ASTN1: variants seen among roughly 807,000 people sequenced by gnomAD.
The protein encoded by ASTN1 is astrotactin 1.
Under a neutral mutation model 140.7 loss-of-function variants are expected in ASTN1, and 41 were observed. The ratio of observed to expected loss-of-function variants is 0.29; its 90% confidence interval spans 0.23 to 0.38. The LOEUF is 0.38. ASTN1 is among the 10% of genes least tolerant of loss of function. The probability of loss-of-function intolerance (pLI) is 1.00; values close to 1 mark genes in which losing one functional copy is unlikely to be tolerated. For synonymous variants in ASTN1, 640 were observed against 652.2 expected (o/e 0.98, Z 0.29); for missense variants, 1,479 against 1,678.8 (o/e 0.88, Z 2.08).
At chr1:177,018,192 G>T (rs991199240) in intron 7 of ASTN1, among the ~76,000 whole-genome samples, 3 of 152,186 alleles carry the variant, frequency 2.0e-5, no homozygotes, top group Non-Finnish European at 2.9e-5. Context: ...TCTGGGAAGG[G>T]AGTCAGAGGG....
intron 12 of ASTN1, among the ~76,000 whole-genome samples, chr1:176,947,818 C>T (rs1452827110): frequency 6.6e-6 from 1 of 152,156 alleles, no homozygotes; most frequent in Non-Finnish European, 1.5e-5. Context: ...AAGATCAGGT[C>T]GGGTATCCTG....
chr1:177,110,967 A>C (rs1265997789), intron 1 of ASTN1, among the ~76,000 whole-genome samples: 2 of 152,248 alleles, frequency 1.3e-5, no homozygotes, highest in African/African-American at 4.8e-5. Flanking sequence ...GGCTGAGTTT[A>C]ACAGAGGTGA....
At chr1:177,005,954 G>A (rs1372987389) in intron 8 of ASTN1, among the ~76,000 whole-genome samples, 1 of 152,160 alleles carries the variant, frequency 6.6e-6, no homozygotes, top group Non-Finnish European at 1.5e-5. Context: ...TACTCCAAGT[G>A]TTCAGTGACA....
intron 16 of ASTN1, among the ~76,000 whole-genome samples, chr1:176,926,100 C>T (rs921644435): frequency 6.6e-6 from 1 of 152,084 alleles, no homozygotes; most frequent in Non-Finnish European, 1.5e-5. Context: ...AGCCACCGCA[C>T]CCAGCCAAGG....
intron 18 of ASTN1, among the ~76,000 whole-genome samples, chr1:176,886,490 A>G (rs966045516): frequency 1.1e-4 from 16 of 152,332 alleles, no homozygotes; most frequent in Non-Finnish European, 2.2e-4. Context: ...TTTTATTAAT[A>G]ATGAGCTTGA....
chr1:177,024,528 CA>C, intron 6 of ASTN1, 54 bp downstream of exon 6: 1 of 1,595,996 alleles, frequency 6.3e-7, no homozygotes, highest in Non-Finnish European at 8.6e-7. Flanking sequence ...TTTGCCCAAC[CA>C]GAAAACTTTC....
At chr1:177,139,365 G>T (rs1386105110) in intron 1 of ASTN1, among the ~76,000 whole-genome samples, 1 of 152,186 alleles carries the variant, frequency 6.6e-6, no homozygotes, top group Non-Finnish European at 1.5e-5. Context: ...TAAAGAGAGG[G>T]ACTCATTCTG....
chr1:176,951,520 A>G (rs1672190180), intron 11 of ASTN1, among the ~76,000 whole-genome samples: 1 of 152,154 alleles, frequency 6.6e-6, no homozygotes, highest in Admixed American at 6.5e-5. Context: ...CCCACCTCAT[A>G]TGGTTTCAGC....
chr1:177,004,093 A>C (rs181440467), intron 8 of ASTN1, among the ~76,000 whole-genome samples: 2 of 152,336 alleles, frequency 1.3e-5, no homozygotes, highest in South Asian at 2.1e-4. Context: ...AATTTCCTCC[A>C]AGAGTCCTAG....
chr1:177,034,308 A>C (rs1275631345), intron 2 of ASTN1, among the ~76,000 whole-genome samples: 1 of 151,926 alleles, frequency 6.6e-6, no homozygotes, highest in Non-Finnish European at 1.5e-5. Context: ...CAGGCAGCAC[A>C]GAGGAGCAGA....
rs1046288040 is a variant in ASTN1, at chr1:176,864,026, A to G, written c.*258T>C. The G allele has an allele frequency of 1.5e-5, 19 of 1,266,396 alleles. No homozygotes were observed. Among genetic ancestry groups the G allele is most frequent in the Non-Finnish European group, 1.9e-5 (19 of 1,002,866 alleles). The allele number at this position is 1,266,396 out of a possible 1,614,324, so 78.4% of individuals were successfully genotyped here. The stretch of plus-strand genomic sequence containing the variant: ...AATGAATGGAACAAATTAATGGCAA[A>G]GCAAACCCCAAAGTAATCCTCTAAA... On this transcript the variant is annotated 3_prime_UTR_variant, in exon 23 of 23. Transcript: ENST00000361833.
intron 2 of ASTN1, among the ~76,000 whole-genome samples, chr1:177,042,194 C>T (rs1677009173): frequency 6.6e-6 from 1 of 152,154 alleles, no homozygotes; most frequent in Non-Finnish European, 1.5e-5. Context: ...AGGTAGAAGG[C>T]CTTTCACATG....
intron 11 of ASTN1, among the ~76,000 whole-genome samples, chr1:176,955,581 T>C (rs1157576517): frequency 2.0e-5 from 3 of 152,270 alleles, no homozygotes; most frequent in Non-Finnish European, 2.9e-5. Context: ...CTTTCTGCAG[T>C]GGCTCCAATT....
intron 16 of ASTN1, among the ~76,000 whole-genome samples, chr1:176,911,987 C>T (rs1357117543): frequency 2.0e-5 from 3 of 152,192 alleles, no homozygotes; most frequent in Admixed American, 2.0e-4. Flanking sequence ...TTTTCAGCTA[C>T]ATTACGATCT....
At chr1:177,151,271 TTCTC>T (rs1683019854) in intron 1 of ASTN1, among the ~76,000 whole-genome samples, 1 of 152,152 alleles carries the variant, frequency 6.6e-6, no homozygotes, top group Non-Finnish European at 1.5e-5. Context: ...AAAAAATCTA[TTCTC>T]TCTTTCTTTC....
chr1:177,159,375 T>A (rs1647224821), intron 1 of ASTN1, among the ~76,000 whole-genome samples: 1 of 152,100 alleles, frequency 6.6e-6, no homozygotes, highest in African/African-American at 2.4e-5. Flanking sequence ...ACAAATGCAT[T>A]TACTATTAAC....
chr1:176,995,877 T>C (rs892833425), intron 8 of ASTN1, among the ~76,000 whole-genome samples: 3 of 152,148 alleles, frequency 2.0e-5, no homozygotes, highest in Admixed American at 1.3e-4. Flanking sequence ...GCAGTGGTGA[T>C]GGCAGGTGAG....
rs182234886 is a variant in ASTN1 at position 176,916,800 on chromosome 1, T to C, written c.2671+17352A>G. ...ATGTTTCTAAAGCACAATCAGAAGATGTCTTTTCCTGCTGAAATCCTTTAG... is the reference window on the plus strand; with the variant it reads ...ATGTTTCTAAAGCACAATCAGAAGACGTCTTTTCCTGCTGAAATCCTTTAG... On this transcript the variant is annotated intron_variant, in intron 16 of 22. Coordinates refer to ENST00000361833, the MANE Select transcript of ASTN1 (RefSeq NM_004319.3). 1.3e-3 allele frequency among the ~76,000 whole-genome samples: 196 copies of C among 152,268 alleles called. 1 individual carries two copies. The highest frequency in any genetic ancestry group is 4.6e-3 in the African/African-American group (191 of 41,566).
At chr1:176,977,215 A>G (rs1309947393) in intron 8 of ASTN1, among the ~76,000 whole-genome samples, 2 of 152,236 alleles carry the variant, frequency 1.3e-5, no homozygotes, top group East Asian at 1.9e-4. Flanking sequence ...CCTTTTCCCA[A>G]AGTCTTTTTC....
Sources: allele counts gnomAD v4.1 joint callset (sites outside exome capture counted in the v4.1 genomes callset), GRCh38; gene constraint gnomAD v4.1.1; transcripts MANE v1.5; gene names NCBI Gene and HGNC (gene_info 2026-07-23, HGNC 2026-07-21).